The following ATP9A variants were observed in gnomAD, a reference collection of about 807,000 sequenced individuals.
The protein encoded by ATP9A is probable phospholipid-transporting ATPase IIA.
ATP9A carries 52 observed loss-of-function variants against 144.1 expected under a neutral mutation model. That is an observed-to-expected ratio of 0.36 (90% confidence interval 0.29 to 0.45). The LOEUF (loss-of-function observed/expected upper bound fraction) is 0.45, where lower values mean the gene tolerates loss of function less well. Ranked by LOEUF, ATP9A falls within the 20% of genes least tolerant of loss-of-function variation. The probability of loss-of-function intolerance (pLI) is 1.00; values close to 1 mark genes in which losing one functional copy is unlikely to be tolerated. For synonymous variants in ATP9A, 582 were observed against 557.4 expected, an observed-to-expected ratio of 1.04 and a Z score of -0.62; for missense variants, 947 against 1,392.7, an observed-to-expected ratio of 0.68 and a Z score of 5.09.
Position 51,657,058 on chromosome 20 carries a change from G to A in ATP9A, c.1386C>T (p.Ala462=), listed in dbSNP as rs2077390042. 6 of 1,614,228 alleles carry A rather than the reference G, an allele frequency of 3.7e-6. No homozygotes were observed. In the South Asian group the frequency reaches 6.6e-5, roughly 18 times the overall value. Residue 462 remains alanine, a synonymous_variant, in exon 14 of 28, where the codon GCC becomes GCT. Coordinates refer to ENST00000338821, the MANE Select transcript of ATP9A (RefSeq NM_006045.3). Reference sequence around the variant, plus strand: ...GAGTCACGTTGTGGCAGAGCGCGATGGCCTTCACGGCTTCGTGCACGCGGC... The same window carrying A: ...GAGTCACGTTGTGGCAGAGCGCGATAGCCTTCACGGCTTCGTGCACGCGGC... ...MSSRVHEAVK[A]IALCHNVTPV...
chr20:51,627,576 T>C (rs1458613640), intron 17 of ATP9A, 24 bp downstream of exon 17: 11 of 1,609,250 alleles, frequency 6.8e-6, no homozygotes, highest in African/African-American at 4.0e-5. Flanking sequence ...GCAAAGGCAA[T>C]GGAAAGGTCC....
intron 3 of ATP9A, among the ~76,000 whole-genome samples, chr20:51,724,043 C>T (rs2077701599): frequency 6.6e-6 from 1 of 151,920 alleles, no homozygotes; most frequent in East Asian, 2.0e-4. Context: ...CAGTGGCGGG[C>T]ACCTGTAATC....
In ATP9A at chr20:51,647,807, G is replaced by A. The variant is rs528873576; in HGVS notation, c.1507-8303C>T. Among the ~76,000 whole-genome samples the A allele has an allele frequency of 4.7e-4, 72 of 152,264 alleles. 1 individual carries two copies. Among genetic ancestry groups the A allele is most frequent in the African/African-American group, 1.7e-3 (70 of 41,556 alleles). On this transcript the variant is annotated intron_variant, in intron 14 of 27. Transcript: ENST00000338821. Reference sequence around the variant, plus strand: ...GCCAACACTAATATCACATGGGACAGAGCTTTTGCCTCTATGGCCCATGGA... The same window carrying A: ...GCCAACACTAATATCACATGGGACAAAGCTTTTGCCTCTATGGCCCATGGA...
At chr20:51,704,282 G>A (rs1393993641) in intron 4 of ATP9A, among the ~76,000 whole-genome samples, 1 of 151,460 alleles carries the variant, frequency 6.6e-6, no homozygotes, top group African/African-American at 2.4e-5. Flanking sequence ...GGTTTATGGT[G>A]CCCAGAAATG....
chr20:51,765,965 G>A (rs1441282945), intron 1 of ATP9A, among the ~76,000 whole-genome samples: 1 of 152,004 alleles, frequency 6.6e-6, no homozygotes, highest in African/African-American at 2.4e-5. Context: ...CAAAAAAAAA[G>A]AAAGATTAGT....
At chr20:51,658,017 A>C (rs544495798) in intron 13 of ATP9A, among the ~76,000 whole-genome samples, 1 of 152,340 alleles carries the variant, frequency 6.6e-6, no homozygotes, top group East Asian at 1.9e-4. Flanking sequence ...AAGGCCAGGA[A>C]TGGGTTAAGT....
At chr20:51,737,716 T>C (rs1003944616) in intron 1 of ATP9A, among the ~76,000 whole-genome samples, 4 of 152,222 alleles carry the variant, frequency 2.6e-5, no homozygotes, top group African/African-American at 7.2e-5. Context: ...CTTTTCAATA[T>C]TGATTTTAAA....
At chr20:51,668,099 G>A (rs868317277) in intron 13 of ATP9A, among the ~76,000 whole-genome samples, 1 of 28,488 alleles carries the variant, frequency 3.5e-5, no homozygotes, top group Non-Finnish European at 7.3e-5. Context: ...GGGGGGGGGG[G>A]GGCGGAAGGG....
intron 10 of ATP9A, among the ~76,000 whole-genome samples, chr20:51,675,475 A>G (rs1191749020): frequency 6.6e-6 from 1 of 152,160 alleles, no homozygotes; most frequent in East Asian, 1.9e-4. Context: ...GCCGTTTCTC[A>G]TGGATAAAGG....
At chr20:51,712,846 CGA>C in intron 4 of ATP9A, 118 bp downstream of exon 4, 1 of 849,504 alleles carries the variant, frequency 1.2e-6, no homozygotes, top group Non-Finnish European at 1.9e-6. Flanking sequence ...AGTAACCAAG[CGA>C]CTGTTCCGCC....
intron 15 of ATP9A, among the ~76,000 whole-genome samples, chr20:51,636,909 G>A (rs2077294597): frequency 6.6e-6 from 1 of 152,172 alleles, no homozygotes; most frequent in South Asian, 2.1e-4. Context: ...CGCCAACATG[G>A]CAAAACCCCG....
chr20:51,651,013 C>T (rs2077362020), intron 14 of ATP9A, among the ~76,000 whole-genome samples: 1 of 150,108 alleles, frequency 6.7e-6, no homozygotes, highest in African/African-American at 2.5e-5. Flanking sequence ...CAGTCTCGCT[C>T]TGTTGCCCAG....
rs560204103 is a variant in ATP9A, at chr20:51,598,574, T to C, written c.*2637A>G. The C allele has an allele frequency of 1.3e-5, 2 of 152,316 alleles. No individual in the cohort carries two copies. Among genetic ancestry groups the C allele is most frequent in the South Asian group, 4.2e-4 (2 of 4,818 alleles). The allele number at this position is 152,316 out of a possible 1,614,324, so 9.4% of individuals were successfully genotyped here. A position where few individuals can be genotyped will look rare whatever the true frequency, so the allele number is the denominator to read the frequency against. On this transcript the variant is annotated 3_prime_UTR_variant, in exon 28 of 28. Transcript: ENST00000338821. ...TACAAACTCAGGAGAGTTTCTTGTA[T>C]AGTAACTCTAGTTTCTTGTTTGCTT...
chr20:51,684,412 T>C (rs2077513169), intron 9 of ATP9A, among the ~76,000 whole-genome samples: 1 of 152,028 alleles, frequency 6.6e-6, no homozygotes, highest in Non-Finnish European at 1.5e-5. Context: ...TTTAAGAAAA[T>C]ACGGCCAGGC....
chr20:51,627,575 A>G, intron 17 of ATP9A, 25 bp downstream of exon 17: 1 of 1,608,442 alleles, frequency 6.2e-7, no homozygotes. Flanking sequence ...TGCAAAGGCA[A>G]TGGAAAGGTC....
intron 14 of ATP9A, among the ~76,000 whole-genome samples, chr20:51,654,074 A>G (rs1176436714): frequency 6.6e-6 from 1 of 152,148 alleles, no homozygotes; most frequent in Admixed American, 6.6e-5. Flanking sequence ...AGATCAGGAC[A>G]ATCACCCAAA....
At chr20:51,704,749 T>C (rs1251556695) in intron 4 of ATP9A, among the ~76,000 whole-genome samples, 2 of 152,130 alleles carry the variant, frequency 1.3e-5, no homozygotes, top group African/African-American at 4.8e-5. Flanking sequence ...CATCGCACTC[T>C]AGCCTGGGCA....
At chr20:51,718,963 A>C (rs369666365) in intron 3 of ATP9A, among the ~76,000 whole-genome samples, 82 of 151,720 alleles carry the variant, frequency 5.4e-4, no homozygotes, top group African/African-American at 1.9e-3. Flanking sequence ...CCCCATCTCT[A>C]CTAAAAACAC....
At chr20:51,756,034 T>C (rs1322031548) in intron 1 of ATP9A, among the ~76,000 whole-genome samples, 1 of 152,180 alleles carries the variant, frequency 6.6e-6, no homozygotes, top group Admixed American at 6.6e-5. Context: ...TAAGAGATAC[T>C]GCACATGCCA....
Sources: allele counts gnomAD v4.1 joint callset (sites outside exome capture counted in the v4.1 genomes callset), GRCh38; gene constraint gnomAD v4.1.1; transcripts MANE v1.5; gene names NCBI Gene and HGNC (gene_info 2026-07-23, HGNC 2026-07-21).